CTU2: variants seen among roughly 807,000 people sequenced by gnomAD.
The protein encoded by CTU2 is cytosolic thiouridylase subunit 2, also known as cytoplasmic tRNA 2-thiolation protein 2.
A neutral mutation model predicts 64.1 loss-of-function variants in CTU2; 80 were observed. That is an observed-to-expected ratio of 1.25 (90% CI 1.04 to 1.50). CTU2 has a LOEUF of 1.50. Among genes scored for constraint, CTU2 ranks in the 40% most tolerant of loss-of-function variants. The pLI is 0.00. For missense variants in CTU2, 1,110 were observed against 690.2 expected (o/e 1.61, Z -6.81); for synonymous variants, 482 against 285.3 (o/e 1.69, Z -6.95).
chr16:88,706,506 G>C lies in CTU2; in HGVS notation c.-25G>C. On this transcript the variant is annotated 5_prime_UTR_variant, in exon 1 of 15. Transcript: ENST00000453996. Reference sequence around the variant, plus strand: ...GCGCCCTCGCGCTGTCGCCGCCACAGTCTGCGACGGGACCCGGCGTGCCCA... The same window carrying C: ...GCGCCCTCGCGCTGTCGCCGCCACACTCTGCGACGGGACCCGGCGTGCCCA... 1 of 1,410,696 alleles carries C rather than the reference G, an allele frequency of 7.1e-7. No individual in the cohort carries two copies. The highest frequency in any genetic ancestry group is 9.2e-7 in the Non-Finnish European group (1 of 1,088,582). 87.4% of individuals were successfully genotyped at this position (1,410,696 alleles called of 1,614,324 possible).
intron 4 of CTU2, 55 bp downstream of exon 4, chr16:88,710,337 G>A (rs951667052): frequency 1.3e-6 from 2 of 1,586,724 alleles, no homozygotes; most frequent in South Asian, 2.2e-5. Flanking sequence ...TCAGGCTGGG[G>A]GCCTCCCTTC....
chr16:88,706,827 G>C, intron 1 of CTU2: 1 of 536,698 alleles, frequency 1.9e-6, no homozygotes, highest in Non-Finnish European at 3.3e-6. Context: ...CTCTGCCGCT[G>C]ACAGTGCTGT....
rs566137937 is a variant in CTU2 at position 88,712,932 on chromosome 16, C to G, written c.737+27C>G. 71 of 1,267,484 alleles carry G rather than the reference C, an allele frequency of 5.6e-5. 2 individuals carry two copies. The South Asian group carries it at 1.1e-3, about 21-fold the overall frequency. The allele number at this position is 1,267,484 out of a possible 1,614,324, so 78.5% of individuals were successfully genotyped here. A position where few individuals can be genotyped will look rare whatever the true frequency, so the allele number is the denominator to read the frequency against. ...TGAGGCCCCGAGAGCCCCCCTTCCCCGGGCCCTGACCCCCACTCATGCCCC... is the reference window on the plus strand; with the variant it reads ...TGAGGCCCCGAGAGCCCCCCTTCCCGGGGCCCTGACCCCCACTCATGCCCC... On this transcript the variant is annotated intron_variant, in intron 7 of 14. Transcript: ENST00000453996.
chr16:88,710,411 G>C (rs188101062), intron 4 of CTU2, 129 bp downstream of exon 4: 7 of 899,706 alleles, frequency 7.8e-6, no homozygotes, highest in Non-Finnish European at 1.2e-5. Context: ...CTGGACACTT[G>C]GGGGGTTCTC....
In CTU2 at chr16:88,709,929, G is replaced by A. The variant is rs1911180200; in HGVS notation, c.144-9G>A. On this transcript the variant is annotated splice_polypyrimidine_tract_variant and intron_variant, in intron 2 of 14. Coordinates refer to ENST00000453996, the MANE Select transcript of CTU2 (RefSeq NM_001012759.3). ...CAGGCGGTTCCCTCATCTCAGGTCTGTGTTGCAGGGACTGTTTCAAGGCCT... is the reference window on the plus strand; with the variant it reads ...CAGGCGGTTCCCTCATCTCAGGTCTATGTTGCAGGGACTGTTTCAAGGCCT... 2 of 1,613,458 alleles carry A rather than the reference G, an allele frequency of 1.2e-6. No homozygotes were observed. Among genetic ancestry groups the A allele is most frequent in the South Asian group, 1.1e-5 (1 of 91,076 alleles).
At position 88,714,695 on chromosome 16, in the gene CTU2, G is replaced by C. The variant is rs772644386; in HGVS notation, c.1310G>C (p.Gly437Ala). 73 of 1,611,710 alleles carry C rather than the reference G, an allele frequency of 4.5e-5. 1 individual carries two copies. The Middle Eastern group carries it at 5.0e-4, about 11-fold the overall frequency. ...RTPPGPCCSP[G>A]VGWAQRCGQG... ...CCCCCGGGGCCCTGCTGTTCTCCAG[G>C]GGTGGGCTGGGCCCAGCGCTGTGGC... is the stretch of plus-strand genomic sequence containing the variant. The change falls in exon 12 of 15, where the codon GGG becomes GCG. Residue 437 changes from glycine (G) to alanine (A), a missense_variant. Transcript: ENST00000453996.
At chr16:88,710,921 A>G (rs8060966) in intron 4 of CTU2, 129,717 of 154,422 alleles carry the variant, frequency 0.84, 55,102 homozygotes, top group East Asian at 0.94. Context: ...TGGCCTGTCA[A>G]GGGTCAGCTC....
At chr16:88,714,819 G>T in intron 12 of CTU2, 41 bp from the exon 13 acceptor site, 1 of 1,611,520 alleles carries the variant, frequency 6.2e-7, no homozygotes, top group Non-Finnish European at 8.5e-7. Flanking sequence ...GCACGGCATT[G>T]AGGTGCCAAG....
chr16:88,710,043 C>A, intron 3 of CTU2, 27 bp downstream of exon 3: 2 of 1,611,590 alleles, frequency 1.2e-6, no homozygotes, highest in Non-Finnish European at 1.7e-6. Flanking sequence ...GGGGGTCTGA[C>A]TGAGCAGCCT....
intron 2 of CTU2, chr16:88,709,636 T>G (rs1448358451): frequency 9.6e-6 from 4 of 415,674 alleles, no homozygotes; most frequent in Non-Finnish European, 1.8e-5. Context: ...GCTGGGCCCT[T>G]CTGAGCGCCT....
chr16:88,713,886 C>A, intron 9 of CTU2, 108 bp downstream of exon 9: 2 of 1,440,502 alleles, frequency 1.4e-6, no homozygotes, highest in Non-Finnish European at 1.9e-6. Flanking sequence ...TTCAGTGACT[C>A]CTGCTGTGGC....
In CTU2 at chr16:88,714,237, T is replaced by A. The variant is rs76217997; in HGVS notation, c.1097+10T>A. ...TCAGCACTGTGTACAGGTGTGGGTGTGTGTGGGTGTGTGCGGGGGGTGCGC... is the reference window on the plus strand; with the variant it reads ...TCAGCACTGTGTACAGGTGTGGGTGAGTGTGGGTGTGTGCGGGGGGTGCGC... On this transcript the variant is annotated intron_variant, in intron 10 of 14. Coordinates refer to ENST00000453996, the MANE Select transcript of CTU2 (RefSeq NM_001012759.3). 2 of 1,552,730 alleles carry A rather than the reference T, an allele frequency of 1.3e-6. No homozygotes were observed. Among genetic ancestry groups the A allele is most frequent in the Admixed American group, 1.8e-5 (1 of 55,324 alleles).
chr16:88,712,320 G>C lies in CTU2; in HGVS notation c.390G>C (p.Leu130=). ...GQSLEERSKT[L]AEVKPILQAT... Reference sequence around the variant, plus strand: ...GCCTAGAGGAGAGATCAAAGACCCTGGCCGAAGTGAAGCCCATTCTGCAAG... The same window carrying C: ...GCCTAGAGGAGAGATCAAAGACCCTCGCCGAAGTGAAGCCCATTCTGCAAG... The change falls in exon 6 of 15, where the codon CTG becomes CTC. Residue 130 remains leucine (L), a synonymous_variant. Transcript: ENST00000453996. The C allele has an allele frequency of 6.2e-7, 1 of 1,610,328 alleles. No homozygotes were observed. Among genetic ancestry groups the C allele is most frequent in the African/African-American group, 1.3e-5 (1 of 74,984 alleles).
intron 8 of CTU2, 90 bp from the exon 9 acceptor site, chr16:88,713,557 T>A (rs1597431717): frequency 6.4e-7 from 1 of 1,558,830 alleles, no homozygotes; most frequent in African/African-American, 1.4e-5. Context: ...CGGATGGTGG[T>A]GGGGTCTGTG....
At chr16:88,706,711 C>G (rs1440694011) in intron 1 of CTU2, 113 bp downstream of exon 1, 1 of 760,482 alleles carries the variant, frequency 1.3e-6, no homozygotes, top group East Asian at 3.3e-5. Flanking sequence ...AGAGCGGGAC[C>G]TCGCTCCCTA....
In CTU2 at chr16:88,714,324, G is replaced by A. The variant is rs1428018472; in HGVS notation, c.1098-59G>A. The stretch of plus-strand genomic sequence containing the variant: ...GCTCACCACTCGTGCTCAGGCCAGG[G>A]CTTAGGGTGGAGCCCCAGCCCGTGT... On this transcript the variant is annotated intron_variant, in intron 10 of 14. Transcript: ENST00000453996. 8 of 1,605,692 alleles carry A rather than the reference G, an allele frequency of 5.0e-6. No individual in the cohort carries two copies. In the African/African-American group the frequency reaches 5.3e-5, roughly 11 times the overall value.
chr16:88,709,729 G>A (rs1911165565), intron 2 of CTU2: 2 of 584,856 alleles, frequency 3.4e-6, no homozygotes, highest in South Asian at 2.0e-5. Flanking sequence ...TCGTGGGAGG[G>A]GCCGGTGAGC....
intron 2 of CTU2, 55 bp downstream of exon 2, chr16:88,707,265 G>C (rs1910946195): frequency 1.3e-6 from 2 of 1,485,810 alleles, no homozygotes; most frequent in South Asian, 2.3e-5. Flanking sequence ...TAGCAGACAG[G>C]ATAGCCGCAA....
chr16:88,710,109 C>G, intron 3 of CTU2, 93 bp downstream of exon 3: 2 of 1,565,788 alleles, frequency 1.3e-6, no homozygotes, highest in East Asian at 2.2e-5. Flanking sequence ...TGCTGCAGCC[C>G]GCCAGCTCCT....
Sources: allele counts gnomAD v4.1 joint callset, GRCh38; gene constraint gnomAD v4.1.1; transcripts MANE v1.5; gene names NCBI Gene and HGNC (gene_info 2026-07-23, HGNC 2026-07-21).